The following CREBBP variants were observed in gnomAD, a reference collection of about 807,000 sequenced individuals.
CREBBP encodes the protein CREB binding lysine acetyltransferase.
In CREBBP, 19 loss-of-function variants were observed where a neutral mutation model predicts 265.0. The ratio of observed to expected loss-of-function variants is 0.07; its 90% CI spans 0.05 to 0.11. The LOEUF (loss-of-function observed/expected upper bound fraction) is 0.11. Among genes scored for constraint, CREBBP ranks in the 10% least tolerant of loss-of-function variants. CREBBP has a pLI of 1.00. For synonymous variants in CREBBP, 1,457 were observed against 1,223.7 expected (o/e 1.19, Z -3.98); for missense variants, 2,525 against 3,219.0 (o/e 0.78, Z 5.22).
At position 3,778,683 on chromosome 16, in the gene CREBBP, G is replaced by T. The variant is rs776776354; in HGVS notation, c.1941+17C>A. 6.3e-7 allele frequency: 1 copy of T among 1,584,708 alleles called. No individual in the cohort carries two copies. The highest frequency in any genetic ancestry group is 8.7e-7 in the Non-Finnish European group (1 of 1,153,660). On this transcript the variant is annotated intron_variant, in intron 9 of 30. Transcript: ENST00000262367. ...ACAGATGCTGTAGAGGCCAGAGCAC[G>T]GTAAACAGCAACCTACCCTGCTGTT...
intron 8 of CREBBP, among the ~76,000 whole-genome samples, chr16:3,780,371 G>A (rs937421952): frequency 2.0e-5 from 3 of 151,966 alleles, no homozygotes; most frequent in Admixed American, 6.6e-5. Flanking sequence ...CTAGAATCTG[G>A]AACTACAAAA....
intron 1 of CREBBP, among the ~76,000 whole-genome samples, chr16:3,853,611 G>A (rs2054899681): frequency 1.3e-5 from 2 of 149,568 alleles, no homozygotes; most frequent in African/African-American, 4.9e-5. Context: ...AACAGAGTGA[G>A]ACTCCATCTC....
intron 23 of CREBBP, chr16:3,743,735 AT>A (rs931219328): frequency 6.6e-6 from 1 of 152,192 alleles, no homozygotes; most frequent in Non-Finnish European, 1.5e-5. Context: ...AATTGACTCT[AT>A]AAAGATTAAA....
At chr16:3,777,538 G>A (rs1596905908) in intron 11 of CREBBP, 75 bp downstream of exon 11, 9 of 1,437,708 alleles carry the variant, frequency 6.3e-6, no homozygotes, top group Admixed American at 3.3e-5. Flanking sequence ...TATACAGGGG[G>A]AGAGGAAAAA....
intron 28 of CREBBP, among the ~76,000 whole-genome samples, chr16:3,733,420 C>T (rs923354879): frequency 2.0e-5 from 3 of 150,616 alleles, no homozygotes; most frequent in Non-Finnish European, 4.4e-5. Flanking sequence ...GCCCAAATAT[C>T]ACGTGGGTCC....
chr16:3,805,980 A>G (rs1567327825), intron 3 of CREBBP, among the ~76,000 whole-genome samples: 1 of 152,230 alleles, frequency 6.6e-6, no homozygotes, highest in Non-Finnish European at 1.5e-5. Flanking sequence ...ACAAGTTAAG[A>G]GTGACTACAA....
Position 3,797,755 on chromosome 16 carries a change from T to C in CREBBP, c.976-4129A>G, listed in dbSNP as rs1476416161. 2.0e-5 allele frequency among the ~76,000 whole-genome samples: 3 copies of C among 151,796 alleles called. No individual in the cohort carries two copies. The South Asian group carries it at 6.2e-4, about 32-fold the overall frequency. Reference sequence around the variant, plus strand: ...TTCAAGAGTGGTGAGGCATCTTTGATCCTTATCTTCCCTTTTATTTAAAAA... The same window carrying C: ...TTCAAGAGTGGTGAGGCATCTTTGACCCTTATCTTCCCTTTTATTTAAAAA... On this transcript the variant is annotated intron_variant, in intron 3 of 30. Coordinates refer to ENST00000262367, the MANE Select transcript of CREBBP (RefSeq NM_004380.3).
At chr16:3,759,067 C>A in intron 16 of CREBBP, 95 bp from the exon 17 acceptor site, 1 of 975,888 alleles carries the variant, frequency 1.0e-6, no homozygotes, top group East Asian at 2.4e-5. Flanking sequence ...CTGTGACATC[C>A]CAGCCACGAT....
At chr16:3,827,811 C>T (rs1365005288) in intron 2 of CREBBP, among the ~76,000 whole-genome samples, 3 of 152,116 alleles carry the variant, frequency 2.0e-5, no homozygotes, top group Non-Finnish European at 4.4e-5. Flanking sequence ...CTACCTCAGC[C>T]TCCTGAGTAG....
chr16:3,757,725 C>T lies in CREBBP; in HGVS notation c.3609+84G>A, dbSNP rs1567287239. 9 of 1,573,524 alleles carry T rather than the reference C, an allele frequency of 5.7e-6. No individual in the cohort carries two copies. In the East Asian group the frequency reaches 1.1e-4, roughly 20 times the overall value. ...ATTGCACATATGCACTCCCAGTATACAGGCGTGGTCTCATATTAGTATAAC... is the reference window on the plus strand; with the variant it reads ...ATTGCACATATGCACTCCCAGTATATAGGCGTGGTCTCATATTAGTATAAC... On this transcript the variant is annotated intron_variant, in intron 18 of 30. Coordinates refer to ENST00000262367, the MANE Select transcript of CREBBP (RefSeq NM_004380.3).
At chr16:3,817,842 G>C (rs542268456) in intron 2 of CREBBP, among the ~76,000 whole-genome samples, 10 of 152,146 alleles carry the variant, frequency 6.6e-5, no homozygotes, top group African/African-American at 2.2e-4. Context: ...GTGGGCACCA[G>C]TTCACAATTT....
At chr16:3,756,176 C>T (rs955512197) in intron 19 of CREBBP, among the ~76,000 whole-genome samples, 2 of 152,098 alleles carry the variant, frequency 1.3e-5, no homozygotes, top group African/African-American at 4.8e-5. Flanking sequence ...TAAAAAACGC[C>T]AAACCCCACT....
At chr16:3,849,429 GTGTGTGTGTGTGT>G (rs2054751230) in intron 2 of CREBBP, among the ~76,000 whole-genome samples, 137 of 12,794 alleles carry the variant, frequency 0.011, 3 homozygotes, top group East Asian at 0.012. Flanking sequence ...GTGTGTGTGT[GTGTGTGTGTGTGT>G]GTGTGTGTGT....
chr16:3,737,025 T>TC (rs923441013), intron 26 of CREBBP: 8 of 631,406 alleles, frequency 1.3e-5, no homozygotes, highest in African/African-American at 9.1e-5. Context: ...GCAACACTTC[T>TC]CCCTTGGGGT....
intron 5 of CREBBP, among the ~76,000 whole-genome samples, chr16:3,790,843 C>A (rs961583407): frequency 6.6e-6 from 1 of 152,142 alleles, no homozygotes; most frequent in African/African-American, 2.4e-5. Flanking sequence ...AGGAAAACCA[C>A]GGGGGCTGTC....
intron 2 of CREBBP, among the ~76,000 whole-genome samples, chr16:3,841,641 A>AAAAT (rs1184035097): frequency 6.6e-6 from 1 of 152,116 alleles, no homozygotes; most frequent in African/African-American, 2.4e-5. Flanking sequence ...GCCTTGTCTC[A>AAAAT]AAATAAATAA....
At position 3,877,800 on chromosome 16, in the gene CREBBP, C is replaced by G. The variant is rs966408756; in HGVS notation, c.85+2032G>C. Among the ~76,000 whole-genome samples the G allele has an allele frequency of 1.9e-4, 29 of 152,244 alleles. 1 individual carries two copies. The highest frequency in any genetic ancestry group is 1.5e-5 in the Non-Finnish European group (1 of 68,042). On this transcript the variant is annotated intron_variant, in intron 1 of 30. Coordinates refer to ENST00000262367, the MANE Select transcript of CREBBP (RefSeq NM_004380.3). Reference sequence around the variant, plus strand: ...GTGTGATGGTGATGAATGTGTAACACATGACCCAACTTAAGTATGATGTTG... The same window carrying G: ...GTGTGATGGTGATGAATGTGTAACAGATGACCCAACTTAAGTATGATGTTG...
At position 3,862,604 on chromosome 16, in the gene CREBBP, G is replaced by A. The variant is rs140935469; in HGVS notation, c.86-11595C>T. On this transcript the variant is annotated intron_variant, in intron 1 of 30. Coordinates refer to ENST00000262367, the MANE Select transcript of CREBBP (RefSeq NM_004380.3). ...CGATATTTAAGTGGACATTAACAACGACCTTCCCCAAGAAGTCCATTCTTC... is the reference window on the plus strand; with the variant it reads ...CGATATTTAAGTGGACATTAACAACAACCTTCCCCAAGAAGTCCATTCTTC... Among the ~76,000 whole-genome samples the A allele has an allele frequency of 1.5e-4, 23 of 152,256 alleles. No homozygotes were observed. The East Asian group carries it at 4.0e-3, about 27-fold the overall frequency.
At chr16:3,875,630 C>T (rs1259043765) in intron 1 of CREBBP, among the ~76,000 whole-genome samples, 1 of 152,206 alleles carries the variant, frequency 6.6e-6, no homozygotes. Context: ...TGGCAGGTTC[C>T]TGGGTCGATT....
Sources: gnomAD v4.1 joint callset for allele counts (sites outside exome capture counted in the v4.1 genomes callset) on GRCh38, gnomAD v4.1.1 for gene constraint, MANE v1.5 for transcripts, NCBI Gene and HGNC (gene_info 2026-07-23, HGNC 2026-07-21) for gene names.